The following LIPG variants were observed in gnomAD, a reference collection of about 807,000 sequenced individuals.
The protein encoded by LIPG is lipase G, endothelial type.
A neutral mutation model predicts 51.8 loss-of-function variants in LIPG; 34 were observed. That is an observed-to-expected ratio of 0.66 (90% CI 0.50 to 0.87). LIPG has a LOEUF of 0.87. Among genes scored for constraint, LIPG ranks in the 40% least tolerant of loss-of-function variants. The pLI, the probability that LIPG is intolerant of heterozygous loss-of-function variation, is 0.00. For synonymous variants in LIPG, 246 were observed against 246.1 expected (o/e 1.00, Z 0.00); for missense variants, 580 against 652.7 (o/e 0.89, Z 1.21).
chr18:49,564,784 T>C (rs2084584651), intron 1 of LIPG, among the ~76,000 whole-genome samples: 1 of 152,242 alleles, frequency 6.6e-6, no homozygotes. Flanking sequence ...AACAGGAGGC[T>C]ATTGGTTATC....
At chr18:49,571,983 A>G (rs2084668706) in intron 4 of LIPG, among the ~76,000 whole-genome samples, 1 of 152,220 alleles carries the variant, frequency 6.6e-6, no homozygotes, top group African/African-American at 2.4e-5. Flanking sequence ...AAATGTGTCC[A>G]TATGTGCAGG....
Position 49,593,959 on chromosome 18 carries a change from A to G in LIPG, c.*3437A>G, listed in dbSNP as rs2084966685. 6.6e-6 allele frequency: 1 copy of G among 152,246 alleles called. No individual in the cohort carries two copies. The allele number at this position is 152,246 out of a possible 1,614,324, so 9.4% of individuals were successfully genotyped here. A position where few individuals can be genotyped will look rare whatever the true frequency, so the allele number is the denominator to read the frequency against. ...TAGTGATCATGTTGGAATAATTAGC[A>G]TACCCATCCTTTCAAACATGTATCA... On this transcript the variant is annotated 3_prime_UTR_variant, in exon 10 of 10. Transcript: ENST00000261292.
intron 5 of LIPG, among the ~76,000 whole-genome samples, chr18:49,578,746 T>A (rs1354818083): frequency 6.7e-6 from 1 of 149,722 alleles, no homozygotes; most frequent in African/African-American, 2.5e-5. Context: ...GAGCACTGAG[T>A]GAAGGAGACT....
In LIPG at chr18:49,580,235, T is replaced by G. The variant is rs1370309914; in HGVS notation, c.794-1180T>G. Among the ~76,000 whole-genome samples, 18 of 152,356 alleles carry G rather than the reference T, an allele frequency of 1.2e-4. No individual in the cohort carries two copies. In the East Asian group the frequency reaches 3.1e-3, roughly 26 times the overall value. On this transcript the variant is annotated intron_variant, in intron 5 of 9. Coordinates refer to ENST00000261292, the MANE Select transcript of LIPG (RefSeq NM_006033.4). ...AAAATCCAAATTGTATGCCTAACTT[T>G]GTAACCAACTGTCTCTATGACCCTG...
In LIPG at chr18:49,575,364, T is replaced by C; in HGVS notation, c.572-5T>C. 1.2e-6 allele frequency: 2 copies of C among 1,612,042 alleles called. No individual in the cohort carries two copies. The highest frequency in any genetic ancestry group is 1.7e-6 in the Non-Finnish European group (2 of 1,179,782). On this transcript the variant is annotated splice_polypyrimidine_tract_variant and splice_region_variant and intron_variant, in intron 4 of 9. Coordinates refer to ENST00000261292, the MANE Select transcript of LIPG (RefSeq NM_006033.4). ...CAGCTGTTTTGGGGCCTCCTTCTGC[T>C]GCAGGTTTGGATCCTGCCGGGCCCA...
At chr18:49,561,974 G>C, upstream of LIPG, 2 of 1,387,512 alleles carry the variant, frequency 1.4e-6, no homozygotes, top group Non-Finnish European at 1.9e-6. Flanking sequence ...GCCCAGAGAC[G>C]GGAATAAATT....
At chr18:49,567,156 G>A (rs750718089) in intron 2 of LIPG, among the ~76,000 whole-genome samples, 2 of 152,168 alleles carry the variant, frequency 1.3e-5, no homozygotes, top group Non-Finnish European at 2.9e-5. Flanking sequence ...GGGCAACATA[G>A]TGAGACCCTG....
intron 4 of LIPG, among the ~76,000 whole-genome samples, chr18:49,573,512 G>A (rs1418126700): frequency 7.2e-5 from 11 of 151,800 alleles, no homozygotes; most frequent in South Asian, 2.1e-4. Context: ...CCCAGGAGGC[G>A]GAGGCTGCAG....
chr18:49,561,724 CAG>C (rs1319340898), upstream of LIPG: 15 of 1,244,120 alleles, frequency 1.2e-5, no homozygotes, highest in South Asian at 3.9e-4. Context: ...CCAGCGGACG[CAG>C]AGTTTCAGGG....
chr18:49,574,584 C>T (rs748365399), intron 4 of LIPG, among the ~76,000 whole-genome samples: 1 of 152,216 alleles, frequency 6.6e-6, no homozygotes, highest in Non-Finnish European at 1.5e-5. Context: ...CACACGCATA[C>T]AGGTAACTAG....
intron 1 of LIPG, among the ~76,000 whole-genome samples, chr18:49,564,471 G>A (rs2084582006): frequency 6.6e-6 from 1 of 152,234 alleles, no homozygotes; most frequent in African/African-American, 2.4e-5. Flanking sequence ...CATGAGCAGT[G>A]AAGCTGGAAG....
intron 5 of LIPG, 38 bp from the exon 6 acceptor site, chr18:49,581,377 G>C: frequency 6.2e-7 from 1 of 1,613,776 alleles, no homozygotes; most frequent in Non-Finnish European, 8.5e-7. Flanking sequence ...CATCAAGAAG[G>C]GCTCATCCTG....
chr18:49,562,287 G>A lies in LIPG; in HGVS notation c.-22G>A, dbSNP rs1402893825. 5.6e-6 allele frequency: 9 copies of A among 1,612,766 alleles called. No homozygotes were observed. Among genetic ancestry groups the A allele is most frequent in the Non-Finnish European group, 7.6e-6 (9 of 1,180,012 alleles). On this transcript the variant is annotated 5_prime_UTR_variant, in exon 1 of 10. Coordinates refer to ENST00000261292, the MANE Select transcript of LIPG (RefSeq NM_006033.4). ...TGTTTTTTAAAACTTCTGTTTCTTG[G>A]GAGGGGGTGTGGCGGGGCAGGATGA... is the stretch of plus-strand genomic sequence containing the variant.
At chr18:49,586,960 A>G in intron 9 of LIPG, 110 bp downstream of exon 9, 7 of 817,360 alleles carry the variant, frequency 8.6e-6, no homozygotes, top group Non-Finnish European at 1.3e-5. Flanking sequence ...AACAAAACAG[A>G]TAAAAATCTC....
intron 4 of LIPG, among the ~76,000 whole-genome samples, chr18:49,575,053 C>G (rs1347897127): frequency 6.6e-6 from 1 of 152,184 alleles, no homozygotes; most frequent in Non-Finnish European, 1.5e-5. Context: ...TTAACAGGAG[C>G]AGTTCCTTGG....
chr18:49,582,118 C>A (rs1179633204), intron 6 of LIPG, among the ~76,000 whole-genome samples: 1 of 152,068 alleles, frequency 6.6e-6, no homozygotes, highest in Non-Finnish European at 1.5e-5. Context: ...TCCAGGGGCA[C>A]GTAGTTAGAA....
In LIPG at chr18:49,581,398, A is replaced by C. The variant is rs766649771; in HGVS notation, c.794-17A>C. ...GAAGGGCTCATCCTGCATGCTTTTTATCTCTCCCACCCCCAGCAATCACAG... is the reference window on the plus strand; with the variant it reads ...GAAGGGCTCATCCTGCATGCTTTTTCTCTCTCCCACCCCCAGCAATCACAG... On this transcript the variant is annotated splice_polypyrimidine_tract_variant and intron_variant, in intron 5 of 9. Coordinates refer to ENST00000261292, the MANE Select transcript of LIPG (RefSeq NM_006033.4). 3.7e-6 allele frequency: 6 copies of C among 1,614,180 alleles called. No homozygotes were observed. Among genetic ancestry groups the C allele is most frequent in the South Asian group, 1.1e-5 (1 of 91,078 alleles).
chr18:49,581,307 A>G lies in LIPG; in HGVS notation c.794-108A>G, dbSNP rs375255905. ...AAAAGAATTACATGAAAATACTAAC[A>G]GCAACAATAAACAGCTATCACTGTT... is the stretch of plus-strand genomic sequence containing the variant. On this transcript the variant is annotated intron_variant, in intron 5 of 9. Transcript: ENST00000261292. The G allele has an allele frequency of 1.2e-5, 17 of 1,448,340 alleles. No homozygotes were observed. In the East Asian group the frequency reaches 3.0e-4, roughly 25 times the overall value. The allele number at this position is 1,448,340 out of a possible 1,614,324, so 89.7% of individuals were successfully genotyped here.
chr18:49,584,342 C>T (rs1343843029), intron 8 of LIPG, among the ~76,000 whole-genome samples: 1 of 152,234 alleles, frequency 6.6e-6, no homozygotes, highest in African/African-American at 2.4e-5. Flanking sequence ...CACTAGCTGG[C>T]AGTTTCCCAT....
Sources: gnomAD v4.1 joint callset for allele counts (sites outside exome capture counted in the v4.1 genomes callset) on GRCh38, gnomAD v4.1.1 for gene constraint, MANE v1.5 for transcripts, NCBI Gene and HGNC (gene_info 2026-07-23, HGNC 2026-07-21) for gene names.